Variants in OSBP2 observed in about 807,000 individuals in gnomAD.
OSBP2 encodes oxysterol binding protein 2.
OSBP2 carries 66 observed loss-of-function variants against 96.0 expected under a neutral mutation model. The ratio of observed to expected loss-of-function variants is 0.69; its 90% CI spans 0.56 to 0.84. The LOEUF (loss-of-function observed/expected upper bound fraction) is 0.84, where lower values mean the gene tolerates loss of function less well. Among genes scored for constraint, OSBP2 ranks in the 40% least tolerant of loss-of-function variants. OSBP2 has a pLI of 0.00. For synonymous variants in OSBP2, 525 were observed against 520.9 expected, an observed-to-expected ratio of 1.01 and a Z score of -0.11; for missense variants, 1,038 against 1,222.7, an observed-to-expected ratio of 0.85 and a Z score of 2.25.
chr22:30,845,875 T>C (rs2038858786), intron 2 of OSBP2, among the ~76,000 whole-genome samples: 1 of 105,402 alleles, frequency 9.5e-6, no homozygotes, highest in Non-Finnish European at 1.8e-5. Context: ...AGTGAGACTC[T>C]CTCAAAAAAA....
intron 2 of OSBP2, among the ~76,000 whole-genome samples, chr22:30,836,596 G>A (rs1015146547): frequency 6.6e-6 from 1 of 152,104 alleles, no homozygotes; most frequent in Non-Finnish European, 1.5e-5. Flanking sequence ...GAGATATTTC[G>A]GGAAAGGTAA....
intron 2 of OSBP2, among the ~76,000 whole-genome samples, chr22:30,755,548 T>C (rs136343): frequency 0.63 from 96,044 of 152,098 alleles, 30,453 homozygotes; most frequent in Non-Finnish European, 0.65. Context: ...TGTAGGCCTC[T>C]TTTGACTTCG....
At chr22:30,858,287 C>T (rs1274722061) in intron 2 of OSBP2, among the ~76,000 whole-genome samples, 2 of 151,182 alleles carry the variant, frequency 1.3e-5, no homozygotes, top group African/African-American at 2.4e-5. Context: ...GCTGGGACTA[C>T]AGGCGCCCGC....
At chr22:30,761,045 C>T (rs1426936980) in intron 2 of OSBP2, among the ~76,000 whole-genome samples, 4 of 152,104 alleles carry the variant, frequency 2.6e-5, no homozygotes, top group East Asian at 1.9e-4. Flanking sequence ...CTTTACTTTC[C>T]GCCTAGGATC....
At chr22:30,866,330 T>A (rs1316166833) in intron 2 of OSBP2, among the ~76,000 whole-genome samples, 1 of 152,224 alleles carries the variant, frequency 6.6e-6, no homozygotes, top group African/African-American at 2.4e-5. Flanking sequence ...AAGGGCAGCC[T>A]GCAGAAGCTA....
chr22:30,895,437 C>G (rs957933384), intron 12 of OSBP2, among the ~76,000 whole-genome samples: 4 of 152,270 alleles, frequency 2.6e-5, no homozygotes, highest in Admixed American at 2.0e-4. Context: ...AGAAAAAATT[C>G]TAATAGCTTC....
chr22:30,837,888 G>A (rs7287540), intron 2 of OSBP2, among the ~76,000 whole-genome samples: 7,145 of 152,178 alleles, frequency 0.047, 273 homozygotes, highest in Admixed American at 0.082. Flanking sequence ...AATAATGTAG[G>A]TCTTCATTTT....
chr22:30,871,898 C>T lies in OSBP2; in HGVS notation c.1107+1216C>T, dbSNP rs1009756966. Among the ~76,000 whole-genome samples the T allele has an allele frequency of 6.6e-6, 1 of 152,260 alleles. No individual in the cohort carries two copies. The highest frequency in any genetic ancestry group is 2.4e-5 in the African/African-American group (1 of 41,470). On this transcript the variant is annotated intron_variant, in intron 3 of 13. Transcript: ENST00000332585. The surrounding 1 kb of genome is among the most constrained non-coding windows in gnomAD (Gnocchi z 4.7). ...GGCCACCCCACCACCCACACCTGCC[C>T]AGATATGCTCAGGCTCAGGCCTGGA...
intron 2 of OSBP2, among the ~76,000 whole-genome samples, chr22:30,820,389 T>TA (rs136226): frequency 0.4 from 59,410 of 148,658 alleles, 11,960 homozygotes; most frequent in Middle Eastern, 0.53. Flanking sequence ...ACCCCATCTC[T>TA]AAAAAAAAAA....
intron 2 of OSBP2, among the ~76,000 whole-genome samples, chr22:30,798,677 A>T (rs1302908525): frequency 2.0e-5 from 3 of 152,226 alleles, no homozygotes; most frequent in Non-Finnish European, 4.4e-5. Context: ...TGTTGAAAAG[A>T]CTATTTTTTA....
At chr22:30,766,146 G>A (rs751549613) in intron 2 of OSBP2, among the ~76,000 whole-genome samples, 119 of 152,270 alleles carry the variant, frequency 7.8e-4, no homozygotes, top group Admixed American at 9.2e-4. Context: ...GAGGTGGGGC[G>A]ATCACTTGAG....
At chr22:30,814,011 AG>A (rs1294737797) in intron 2 of OSBP2, among the ~76,000 whole-genome samples, 3 of 152,068 alleles carry the variant, frequency 2.0e-5, no homozygotes, top group Admixed American at 6.5e-5. Context: ...TATGTTGACC[AG>A]GCTGGTCTCG....
chr22:30,746,968 C>A (rs1014229305), intron 2 of OSBP2, among the ~76,000 whole-genome samples: 1 of 152,124 alleles, frequency 6.6e-6, no homozygotes, highest in East Asian at 1.9e-4. Flanking sequence ...GACTATACAC[C>A]ATGACCAAGT....
chr22:30,777,380 T>C (rs939780714), intron 2 of OSBP2, among the ~76,000 whole-genome samples: 1 of 152,144 alleles, frequency 6.6e-6, no homozygotes, highest in Admixed American at 6.6e-5. Context: ...CGAGATCTGA[T>C]GGTTTTTAAA....
In OSBP2 at chr22:30,880,819, CAG is replaced by C. The variant is rs548770649; in HGVS notation, c.1108-6603_1108-6602del. On this transcript the variant is annotated intron_variant, in intron 3 of 13. Coordinates refer to ENST00000332585, the MANE Select transcript of OSBP2 (RefSeq NM_030758.4). Reference sequence around the variant, plus strand: ...TGCATCTGGGCAAAGGTTTCCAGGTCAGAGATGCTCAATGTCTGTCCCATGGG... The same window carrying C: ...TGCATCTGGGCAAAGGTTTCCAGGTCAGATGCTCAATGTCTGTCCCATGGG... Among the ~76,000 whole-genome samples the C allele has an allele frequency of 7.9e-5, 12 of 152,318 alleles. No individual in the cohort carries two copies. The South Asian group carries it at 2.5e-3, about 32-fold the overall frequency.
intron 2 of OSBP2, among the ~76,000 whole-genome samples, chr22:30,847,063 C>T (rs1334752020): frequency 1.3e-5 from 2 of 152,018 alleles, no homozygotes; most frequent in African/African-American, 4.8e-5. Flanking sequence ...CTGCAACTTC[C>T]ACCTCCCAGG....
At chr22:30,693,971 G>GAAA (rs11383654), upstream of OSBP2, 3,119 of 861,868 alleles carry the variant, frequency 3.6e-3, no homozygotes, top group Non-Finnish European at 4.5e-3. Flanking sequence ...TCTCAAAAAG[G>GAAA]AAAAAAAAAA....
At chr22:30,787,663 A>G (rs1450723223) in intron 2 of OSBP2, among the ~76,000 whole-genome samples, 1 of 152,014 alleles carries the variant, frequency 6.6e-6, no homozygotes, top group East Asian at 1.9e-4. Flanking sequence ...ACAGAAGGAT[A>G]CTCTGTCTAA....
intron 3 of OSBP2, among the ~76,000 whole-genome samples, chr22:30,883,566 G>A (rs992725285): frequency 3.3e-5 from 5 of 152,242 alleles, no homozygotes; most frequent in Admixed American, 3.3e-4. Flanking sequence ...GGGCAATGTG[G>A]GGAGGAGGGC....
Sources: gnomAD v4.1 joint callset for allele counts (sites outside exome capture counted in the v4.1 genomes callset) on GRCh38, gnomAD v4.1.1 for gene constraint, Gnocchi (gnomAD v3.1) non-coding constraint, MANE v1.5 for transcripts, NCBI Gene and HGNC (gene_info 2026-07-23, HGNC 2026-07-21) for gene names.